The following CACNA2D1 variants were observed in gnomAD, a reference collection of about 807,000 sequenced individuals.
The protein encoded by CACNA2D1 is voltage-dependent calcium channel subunit alpha-2/delta-1.
A neutral mutation model predicts 171.5 loss-of-function variants in CACNA2D1; 53 were observed. The ratio of observed to expected loss-of-function variants is 0.31; its 90% CI spans 0.25 to 0.39. The LOEUF is 0.39. Ranked by LOEUF, CACNA2D1 falls within the 10% of genes least tolerant of loss-of-function variation. The pLI, the probability that CACNA2D1 is intolerant of heterozygous loss-of-function variation, is 1.00. For synonymous variants in CACNA2D1, 442 were observed against 443.1 expected, an observed-to-expected ratio of 1.00 and a Z score of 0.03; for missense variants, 903 against 1,299.8, an observed-to-expected ratio of 0.69 and a Z score of 4.69.
intron 3 of CACNA2D1, among the ~76,000 whole-genome samples, chr7:82,174,042 CAAAAAAAAAAAA>C (rs71093365): frequency 4.4e-5 from 2 of 45,628 alleles, no homozygotes; most frequent in Non-Finnish European, 7.8e-5. Context: ...GACCCTGTCT[CAAAAAAAAAAAA>C]AAAAAAAAAA....
intron 3 of CACNA2D1, among the ~76,000 whole-genome samples, chr7:82,264,617 G>C (rs746449762): frequency 1.6e-4 from 24 of 152,108 alleles, no homozygotes; most frequent in Non-Finnish European, 2.8e-4. Context: ...GCCAGCCTCT[G>C]ACCTGAAGAG....
At chr7:82,110,731 T>C (rs1324485143) in intron 6 of CACNA2D1, among the ~76,000 whole-genome samples, 1 of 152,176 alleles carries the variant, frequency 6.6e-6, no homozygotes, top group African/African-American at 2.4e-5. Flanking sequence ...ACACAGGTGA[T>C]TTTTATGGCT....
chr7:82,295,115 C>T (rs1194957555), intron 3 of CACNA2D1, among the ~76,000 whole-genome samples: 2 of 152,122 alleles, frequency 1.3e-5, no homozygotes, highest in Non-Finnish European at 2.9e-5. Context: ...ATTTCCAATA[C>T]TTCATTTTGC....
intron 1 of CACNA2D1, among the ~76,000 whole-genome samples, chr7:82,397,386 T>C (rs866974896): frequency 1.3e-5 from 2 of 152,234 alleles, no homozygotes; most frequent in Non-Finnish European, 1.5e-5. Context: ...CTTAGCTCTT[T>C]ATTCTTCTGA....
At chr7:82,299,769 T>A (rs1812774908) in intron 3 of CACNA2D1, among the ~76,000 whole-genome samples, 1 of 152,052 alleles carries the variant, frequency 6.6e-6, no homozygotes, top group South Asian at 2.1e-4. Context: ...AGCAATCAGA[T>A]AAACATAATT....
chr7:81,994,830 T>C lies in CACNA2D1; in HGVS notation c.1734+38A>G, dbSNP rs80109302. ...TTACCAATATCAATTATTCTTGATA[T>C]AATTTTTATTTAAGAATAAGCTAGA... On this transcript the variant is annotated intron_variant, in intron 20 of 38. Coordinates refer to ENST00000356860, the MANE Select transcript of CACNA2D1 (RefSeq NM_000722.4). 1.8e-5 allele frequency: 18 copies of C among 983,662 alleles called. 1 individual carries two copies. The highest frequency in any genetic ancestry group is 2.6e-5 in the Non-Finnish European group (16 of 611,572). 60.9% of individuals were successfully genotyped at this position (983,662 alleles called of 1,614,324 possible).
intron 3 of CACNA2D1, among the ~76,000 whole-genome samples, chr7:82,230,431 T>G (rs1362820778): frequency 1.3e-5 from 2 of 152,250 alleles, no homozygotes; most frequent in African/African-American, 4.8e-5. Context: ...TGAAAAATTG[T>G]GATGCAGTGA....
Position 81,950,235 on chromosome 7 carries a change from G to T in CACNA2D1, c.*157C>A, listed in dbSNP as rs935833459. Reference sequence around the variant, plus strand: ...TGACACCCTGACATGCAGCCAGTGGGTGCCTTAGGAGTCTGCGCCTTAGTG... The same window carrying T: ...TGACACCCTGACATGCAGCCAGTGGTTGCCTTAGGAGTCTGCGCCTTAGTG... On this transcript the variant is annotated 3_prime_UTR_variant, in exon 39 of 39. Transcript: ENST00000356860. 7.7e-7 allele frequency: 1 copy of T among 1,297,712 alleles called. No individual in the cohort carries two copies. The highest frequency in any genetic ancestry group is 1.3e-5 in the South Asian group (1 of 75,716). 80.4% of individuals were successfully genotyped at this position (1,297,712 alleles called of 1,614,324 possible).
At chr7:81,990,320 GT>G (rs925309545) in intron 21 of CACNA2D1, among the ~76,000 whole-genome samples, 3 of 151,938 alleles carry the variant, frequency 2.0e-5, no homozygotes, top group Non-Finnish European at 4.4e-5. Context: ...TTGAGCTTAT[GT>G]TTTTTCTTTT....
At chr7:82,060,183 ATATATAT>A (rs1806551337) in intron 10 of CACNA2D1, among the ~76,000 whole-genome samples, 1 of 12,902 alleles carries the variant, frequency 7.8e-5, no homozygotes, top group Non-Finnish European at 1.3e-4. Context: ...TATATAATAT[ATATATAT>A]TATATATATA....
chr7:82,259,556 T>C lies in CACNA2D1; in HGVS notation c.294+75579A>G, dbSNP rs933887264. ...CTGAATTTGAATGTGATATTAACTA[T>C]ATACTACTTTCAGGCCTAAATACTA... is the stretch of plus-strand genomic sequence containing the variant. On this transcript the variant is annotated intron_variant, in intron 3 of 38. Coordinates refer to ENST00000356860, the MANE Select transcript of CACNA2D1 (RefSeq NM_000722.4). Among the ~76,000 whole-genome samples the C allele has an allele frequency of 3.9e-5, 6 of 152,304 alleles. No individual in the cohort carries two copies. In the East Asian group the frequency reaches 7.7e-4, roughly 20 times the overall value.
intron 21 of CACNA2D1, among the ~76,000 whole-genome samples, chr7:81,990,126 C>A (rs1186493085): frequency 6.6e-6 from 1 of 152,050 alleles, no homozygotes; most frequent in East Asian, 1.9e-4. Context: ...TAACAGAGCC[C>A]AGGTATTAGA....
intron 38 of CACNA2D1, among the ~76,000 whole-genome samples, chr7:81,955,833 T>C (rs1793191082): frequency 7.0e-6 from 1 of 143,444 alleles, no homozygotes; most frequent in South Asian, 2.1e-4. Flanking sequence ...CATGGTGATA[T>C]ATAATTATTG....
At chr7:82,391,949 G>A (rs1825170163) in intron 1 of CACNA2D1, among the ~76,000 whole-genome samples, 1 of 152,146 alleles carries the variant, frequency 6.6e-6, no homozygotes, top group South Asian at 2.1e-4. Context: ...AAATATTGCT[G>A]TGAAGAGTGA....
chr7:82,164,107 A>G (rs531508739), intron 4 of CACNA2D1, among the ~76,000 whole-genome samples: 14 of 152,024 alleles, frequency 9.2e-5, no homozygotes, highest in Non-Finnish European at 2.1e-4. Flanking sequence ...AGCTGTGTAC[A>G]GATATATTCA....
At chr7:82,419,957 T>C (rs1018661481) in intron 1 of CACNA2D1, among the ~76,000 whole-genome samples, 1 of 152,170 alleles carries the variant, frequency 6.6e-6, no homozygotes. Context: ...TACTGGCATT[T>C]ACTATGTAGA....
chr7:82,234,213 G>T (rs1306231760), intron 3 of CACNA2D1, among the ~76,000 whole-genome samples: 1 of 151,826 alleles, frequency 6.6e-6, no homozygotes, highest in African/African-American at 2.4e-5. Flanking sequence ...ATTATGTGTG[G>T]AACTAGATAA....
rs183344474 is a variant in CACNA2D1 at position 82,325,612 on chromosome 7, A to G, written c.294+9523T>C. Reference sequence around the variant, plus strand: ...TGCAGCCACCTAAAAGTTAGATAACATAAACACAAGAATTCCAGACCAAAT... The same window carrying G: ...TGCAGCCACCTAAAAGTTAGATAACGTAAACACAAGAATTCCAGACCAAAT... On this transcript the variant is annotated intron_variant, in intron 3 of 38. Transcript: ENST00000356860. Among the ~76,000 whole-genome samples the G allele has an allele frequency of 4.6e-5, 7 of 152,304 alleles. No individual in the cohort carries two copies. The East Asian group carries it at 1.4e-3, about 29-fold the overall frequency.
At chr7:81,972,231 T>A (rs1439557243) in intron 25 of CACNA2D1, among the ~76,000 whole-genome samples, 1 of 151,328 alleles carries the variant, frequency 6.6e-6, no homozygotes, top group African/African-American at 2.4e-5. Context: ...ATTTAATGTA[T>A]ACACACATAA....
Sources: allele counts gnomAD v4.1 joint callset (sites outside exome capture counted in the v4.1 genomes callset), GRCh38; gene constraint gnomAD v4.1.1; transcripts MANE v1.5; gene names NCBI Gene and HGNC (gene_info 2026-07-23, HGNC 2026-07-21).